The following CDH22 variants were observed in gnomAD, a reference collection of about 807,000 sequenced individuals.
CDH22 encodes cadherin-22.
A neutral mutation model predicts 58.4 loss-of-function variants in CDH22; 30 were observed. That is an observed-to-expected ratio of 0.51 (90% CI 0.38 to 0.70). The LOEUF is 0.70. CDH22 is among the 30% of genes least tolerant of loss of function. CDH22 has a pLI of 0.00. For synonymous variants in CDH22, 513 were observed against 558.2 expected (o/e 0.92, Z 1.14); for missense variants, 1,014 against 1,233.9 (o/e 0.82, Z 2.67).
chr20:46,296,448 G>C (rs1448986164), intron 1 of CDH22, among the ~76,000 whole-genome samples: 1 of 152,210 alleles, frequency 6.6e-6, no homozygotes, highest in Non-Finnish European at 1.5e-5. Context: ...GCCCAGATCT[G>C]CCTGTCTCTG....
chr20:46,190,030 G>A (rs946654719), intron 8 of CDH22, among the ~76,000 whole-genome samples: 3 of 152,026 alleles, frequency 2.0e-5, no homozygotes, highest in East Asian at 1.9e-4. Flanking sequence ...ACTGGGAGGC[G>A]GGGGGAATCC....
rs1472837322 is a variant in CDH22, at chr20:46,173,739, T to G, written c.*767A>C. ...CTTCTAAGAACCACAAAGATAAGAA[T>G]AGTAACAAAGGCTAGCATTTATTGA... On this transcript the variant is annotated 3_prime_UTR_variant, in exon 12 of 12. Coordinates refer to ENST00000537909, the MANE Select transcript of CDH22 (RefSeq NM_021248.3). 4 of 152,426 alleles carry G rather than the reference T, an allele frequency of 2.6e-5. No individual in the cohort carries two copies. The highest frequency in any genetic ancestry group is 5.9e-5 in the Non-Finnish European group (4 of 68,102). 9.4% of individuals were successfully genotyped at this position (152,426 alleles called of 1,614,324 possible). A position where few individuals can be genotyped will look rare whatever the true frequency, so the allele number is the denominator to read the frequency against.
intron 7 of CDH22, among the ~76,000 whole-genome samples, chr20:46,203,936 G>A (rs1165767721): frequency 6.6e-6 from 1 of 152,176 alleles, no homozygotes; most frequent in Non-Finnish European, 1.5e-5. Flanking sequence ...GAGAATATGA[G>A]TTTGTGGCAG....
At chr20:46,277,101 C>T (rs1461197912) in intron 1 of CDH22, among the ~76,000 whole-genome samples, 8 of 148,172 alleles carry the variant, frequency 5.4e-5, no homozygotes, top group South Asian at 2.1e-4. Flanking sequence ...CCAGCCTAGG[C>T]GACATAGCGA....
chr20:46,191,978 T>TGTAAAG (rs767220451), intron 8 of CDH22, among the ~76,000 whole-genome samples: 6 of 152,164 alleles, frequency 3.9e-5, no homozygotes, highest in Non-Finnish European at 7.4e-5. Flanking sequence ...TTTACCTCCT[T>TGTAAAG]CAGGTCTTGG....
At chr20:46,179,208 C>T (rs2085766515) in intron 10 of CDH22, among the ~76,000 whole-genome samples, 1 of 152,244 alleles carries the variant, frequency 6.6e-6, no homozygotes, top group African/African-American at 2.4e-5. Context: ...CCGAAGGCTG[C>T]TGCCCCTCCC....
rs117446472 is a variant in CDH22 at position 46,291,885 on chromosome 20, G to A, written c.-400+16370C>T. 7.1e-3 allele frequency among the ~76,000 whole-genome samples: 1,074 copies of A among 152,306 alleles called. 2 individuals carry two copies. The highest frequency in any genetic ancestry group is 0.01 in the Non-Finnish European group (685 of 68,022). ...TGTTGGTGGGGGCTGTCCTGTGCAG[G>A]GTAGGATGGCTGGCCGTATTCTTGG... On this transcript the variant is annotated intron_variant, in intron 1 of 11. Coordinates refer to ENST00000537909, the MANE Select transcript of CDH22 (RefSeq NM_021248.3).
intron 4 of CDH22, among the ~76,000 whole-genome samples, chr20:46,226,626 A>G (rs1849187861): frequency 6.6e-6 from 1 of 151,980 alleles, no homozygotes; most frequent in Non-Finnish European, 1.5e-5. Flanking sequence ...TCCTCCGAGA[A>G]GCCTTGCATC....
At chr20:46,204,944 T>C (rs1055059959) in intron 7 of CDH22, among the ~76,000 whole-genome samples, 5 of 152,148 alleles carry the variant, frequency 3.3e-5, no homozygotes, top group Admixed American at 3.3e-4. Flanking sequence ...CTGGTGTGCC[T>C]GTGTGTGAGT....
chr20:46,189,628 A>G (rs990628012), intron 8 of CDH22, among the ~76,000 whole-genome samples: 1 of 152,198 alleles, frequency 6.6e-6, no homozygotes, highest in Admixed American at 6.5e-5. Context: ...GCTTTGGGCT[A>G]TGCTCGGCCT....
chr20:46,270,042 G>T (rs1280073859), intron 1 of CDH22, among the ~76,000 whole-genome samples: 2 of 152,204 alleles, frequency 1.3e-5, no homozygotes, highest in East Asian at 1.9e-4. Context: ...ATCCTTGAAG[G>T]ATAAGTAGGG....
intron 1 of CDH22, among the ~76,000 whole-genome samples, chr20:46,287,495 C>T (rs6104534): frequency 0.3 from 45,649 of 151,436 alleles, 7,353 homozygotes; most frequent in African/African-American, 0.42. Context: ...GTGGCGAGGG[C>T]GAGGGCAGCC....
chr20:46,281,121 A>G (rs1396598583), intron 1 of CDH22, among the ~76,000 whole-genome samples: 1 of 152,222 alleles, frequency 6.6e-6, no homozygotes, highest in African/African-American at 2.4e-5. Flanking sequence ...CCTTTAGGGC[A>G]GTAGGGGGCC....
chr20:46,174,513 G>A lies in CDH22; in HGVS notation c.2480C>T (p.Ala827Val). ...AGHRGDDEAQ[A>V]S Reference sequence around the variant, plus strand: ...CGACGGCAGGGCGAGGGGCTAGGAGGCCTGGGCCTCGTCGTCCCCGCGGTG... The same window carrying A: ...CGACGGCAGGGCGAGGGGCTAGGAGACCTGGGCCTCGTCGTCCCCGCGGTG... The change falls in exon 12 of 12, where the codon GCC becomes GTC. Residue 827 changes from alanine to valine, a missense_variant. Physicochemically the swap from Ala to Val is moderately conservative, Grantham distance 64. Transcript: ENST00000537909. This position sits in a 1 kb window ranked among gnomAD's most constrained non-coding sequence, Gnocchi z 4.4. The A allele has an allele frequency of 1.3e-6, 2 of 1,512,398 alleles. No homozygotes were observed. The highest frequency in any genetic ancestry group is 8.8e-7 in the Non-Finnish European group (1 of 1,136,994). 93.7% of individuals were successfully genotyped at this position (1,512,398 alleles called of 1,614,324 possible).
At chr20:46,263,620 G>A (rs1029695063) in intron 1 of CDH22, among the ~76,000 whole-genome samples, 1 of 152,126 alleles carries the variant, frequency 6.6e-6, no homozygotes, top group African/African-American at 2.4e-5. Flanking sequence ...CCTGAGAAGG[G>A]GTTTTTTAGC....
chr20:46,185,294 G>A (rs982733408), intron 10 of CDH22, among the ~76,000 whole-genome samples: 5 of 152,026 alleles, frequency 3.3e-5, no homozygotes, highest in African/African-American at 1.2e-4. Context: ...ATTCCTTAAA[G>A]GTTCAAACAT....
At chr20:46,191,644 C>A (rs1432827922) in intron 8 of CDH22, among the ~76,000 whole-genome samples, 1 of 152,144 alleles carries the variant, frequency 6.6e-6, no homozygotes, top group South Asian at 2.1e-4. Flanking sequence ...AGGAAACGGG[C>A]TCAGAGGGGT....
chr20:46,229,461 TG>T (rs1343736013), intron 3 of CDH22, among the ~76,000 whole-genome samples: 2 of 152,140 alleles, frequency 1.3e-5, no homozygotes, highest in African/African-American at 4.8e-5. Context: ...AGTGGTCTGG[TG>T]TACTGAGTCA....
chr20:46,231,893 C>T (rs2145716694), intron 3 of CDH22, among the ~76,000 whole-genome samples: 1 of 152,268 alleles, frequency 6.6e-6, no homozygotes, highest in African/African-American at 2.4e-5. Context: ...TAAGGGGTGC[C>T]CATTCTGAGC....
Sources: allele counts gnomAD v4.1 joint callset (sites outside exome capture counted in the v4.1 genomes callset), GRCh38; gene constraint gnomAD v4.1.1; non-coding constraint Gnocchi (gnomAD v3.1); transcripts MANE v1.5; gene names NCBI Gene and HGNC (gene_info 2026-07-23, HGNC 2026-07-21).